The following HIF1AN variants were observed in gnomAD, a reference collection of about 807,000 sequenced individuals.
HIF1AN encodes hypoxia-inducible factor 1-alpha inhibitor.
A neutral mutation model predicts 47.7 loss-of-function variants in HIF1AN; 21 were observed. That is an observed-to-expected ratio of 0.44 (90% confidence interval 0.31 to 0.63). The LOEUF (loss-of-function observed/expected upper bound fraction) is 0.63. Ranked by LOEUF, HIF1AN falls within the 30% of genes least tolerant of loss-of-function variation. The pLI is 0.07. For missense variants in HIF1AN, 320 were observed against 432.7 expected, an observed-to-expected ratio of 0.74 and a Z score of 2.31; for synonymous variants, 152 against 155.9, an observed-to-expected ratio of 0.98 and a Z score of 0.18.
intron 1 of HIF1AN, 84 bp from the exon 2 acceptor site, chr10:100,536,327 G>T: frequency 6.7e-7 from 1 of 1,497,738 alleles, no homozygotes; most frequent in Non-Finnish European, 9.1e-7. Flanking sequence ...CTGAAGTTGA[G>T]AAGTAGTTGG....
Position 100,535,957 on chromosome 10 carries a change from A to AGATGGCGGC in HIF1AN, c.2_10dup, listed in dbSNP as rs1397634353. The stretch of plus-strand genomic sequence containing the variant: ...CGGTGGGGGCCGTCCCTGGCGGCGG[A>AGATGGCGGC]GATGGCGGCGACAGCGGCGGAGGCT... On this transcript the variant is annotated 5_prime_UTR_variant, in exon 1 of 8. It adds an upstream start codon to the 5' untranslated region. Transcript: ENST00000299163. 18 of 1,542,960 alleles carry AGATGGCGGC rather than the reference A, an allele frequency of 1.2e-5. No homozygotes were observed. Among genetic ancestry groups the AGATGGCGGC allele is most frequent in the Non-Finnish European group, 1.5e-5 (17 of 1,146,128 alleles).
In HIF1AN at chr10:100,559,911, C is replaced by A. The variant is rs1252936880; in HGVS notation, c.*11774C>A. On this transcript the variant is annotated 3_prime_UTR_variant, in exon 8 of 8. Coordinates refer to ENST00000299163, the MANE Select transcript of HIF1AN (RefSeq NM_017902.3). Reference sequence around the variant, plus strand: ...AGATGGCCACCGCTAGTCCAGTCGGCCACAGACATGGTTTTGTTTGGCCAA... The same window carrying A: ...AGATGGCCACCGCTAGTCCAGTCGGACACAGACATGGTTTTGTTTGGCCAA... 1 of 152,192 alleles carries A rather than the reference C, an allele frequency of 6.6e-6. No homozygotes were observed. The highest frequency in any genetic ancestry group is 1.5e-5 in the Non-Finnish European group (1 of 68,042). 9.4% of individuals were successfully genotyped at this position (152,192 alleles called of 1,614,324 possible).
chr10:100,536,812 CT>C, intron 2 of HIF1AN, 151 bp downstream of exon 2: 1 of 848,360 alleles, frequency 1.2e-6, no homozygotes, highest in African/African-American at 1.7e-5. Flanking sequence ...GTCTTCCAGC[CT>C]TTAAGGGGTT....
chr10:100,547,280 G>A, intron 7 of HIF1AN, 30 bp downstream of exon 7: 2 of 1,449,952 alleles, frequency 1.4e-6, no homozygotes, highest in Non-Finnish European at 1.9e-6. Context: ...TGGCTCAGTG[G>A]GTGGGTTGAC....
At chr10:100,541,730 A>G (rs936356433) in intron 3 of HIF1AN, among the ~76,000 whole-genome samples, 1 of 152,132 alleles carries the variant, frequency 6.6e-6, no homozygotes, top group Non-Finnish European at 1.5e-5. Flanking sequence ...CTCAGCTGTT[A>G]TGTGAGTGTG....
chr10:100,542,345 A>G (rs1421358031), intron 3 of HIF1AN, among the ~76,000 whole-genome samples: 3 of 151,668 alleles, frequency 2.0e-5, no homozygotes, highest in African/African-American at 4.9e-5. Context: ...ATTCAACTTT[A>G]TTGTTTTTAT....
At chr10:100,537,514 T>C (rs1308536963) in intron 2 of HIF1AN, among the ~76,000 whole-genome samples, 1 of 152,202 alleles carries the variant, frequency 6.6e-6, no homozygotes, top group Admixed American at 6.5e-5. Flanking sequence ...TTCTCTAGCT[T>C]AGGGAAGATC....
Position 100,546,063 on chromosome 10 carries a change from T to C in HIF1AN, c.830+14T>C. ...CCCAATGTACTGGTGAGAAGGGGGC[T>C]AGGGCTGGGGGCTTTTTGGGAGCTT... On this transcript the variant is annotated intron_variant, in intron 5 of 7. Transcript: ENST00000299163. 18 of 1,376,296 alleles carry C rather than the reference T, an allele frequency of 1.3e-5. No homozygotes were observed. The highest frequency in any genetic ancestry group is 1.9e-5 in the Non-Finnish European group (18 of 971,138). The allele number at this position is 1,376,296 out of a possible 1,614,324, so 85.3% of individuals were successfully genotyped here.
chr10:100,555,072 A>G lies in HIF1AN; in HGVS notation c.*6935A>G, dbSNP rs1052619672. 1 of 152,306 alleles carries G rather than the reference A, an allele frequency of 6.6e-6. No individual in the cohort carries two copies. Among genetic ancestry groups the G allele is most frequent in the East Asian group, 1.9e-4 (1 of 5,180 alleles). 9.4% of individuals were successfully genotyped at this position (152,306 alleles called of 1,614,324 possible). On this transcript the variant is annotated 3_prime_UTR_variant, in exon 8 of 8. Coordinates refer to ENST00000299163, the MANE Select transcript of HIF1AN (RefSeq NM_017902.3). ...GCTTCCTGCAGAAAGTGATAAGTCC[A>G]AGCTGATATGTGGAAGATGAATAAT...
intron 3 of HIF1AN, among the ~76,000 whole-genome samples, chr10:100,542,591 A>C (rs750982452): frequency 7.9e-5 from 12 of 152,034 alleles, no homozygotes; most frequent in Non-Finnish European, 1.6e-4. Context: ...TCCTGACCTC[A>C]TGATCCACCT....
Position 100,536,512 on chromosome 10 carries a change from C to CAGTG in HIF1AN, c.280_283dup (p.Ala95GlufsTer11). 1 of 1,614,144 alleles carries CAGTG rather than the reference C, an allele frequency of 6.2e-7. No individual in the cohort carries two copies. The highest frequency in any genetic ancestry group is 8.5e-7 in the Non-Finnish European group (1 of 1,180,030). On this transcript the variant is annotated frameshift_variant, in exon 2 of 8. Coordinates refer to ENST00000299163, the MANE Select transcript of HIF1AN (RefSeq NM_017902.3). LOFTEE classifies it high-confidence loss of function. ...TTGGCAATGGAGACTTCTCTGTGTA[C>CAGTG]AGTGCCAGCACCCACAAGTTCTTGT...
At position 100,556,415 on chromosome 10, in the gene HIF1AN, A is replaced by T. The variant is rs1843215199; in HGVS notation, c.*8278A>T. ...TTGTATGAGCCAGCAGCACAGTCAGAAGGCAAGAAGGAGACCCTGGGATGT... is the reference window on the plus strand; with the variant it reads ...TTGTATGAGCCAGCAGCACAGTCAGTAGGCAAGAAGGAGACCCTGGGATGT... On this transcript the variant is annotated 3_prime_UTR_variant, in exon 8 of 8. Coordinates refer to ENST00000299163, the MANE Select transcript of HIF1AN (RefSeq NM_017902.3). 1 of 152,274 alleles carries T rather than the reference A, an allele frequency of 6.6e-6. No individual in the cohort carries two copies. The highest frequency in any genetic ancestry group is 2.1e-4 in the South Asian group (1 of 4,838). 9.4% of individuals were successfully genotyped at this position (152,274 alleles called of 1,614,324 possible). A position where few individuals can be genotyped will look rare whatever the true frequency, so the allele number is the denominator to read the frequency against.
At position 100,540,952 on chromosome 10, in the gene HIF1AN, C is replaced by T. The variant is rs117088354; in HGVS notation, c.577+170C>T. ...AATAGGGGCTGGATGCCGTGGCTCA[C>T]GCCTGTAATCCCAGCAGTTTGGGAG... On this transcript the variant is annotated intron_variant, in intron 3 of 7. Coordinates refer to ENST00000299163, the MANE Select transcript of HIF1AN (RefSeq NM_017902.3). Among the ~76,000 whole-genome samples, 667 of 152,304 alleles carry T rather than the reference C, an allele frequency of 4.4e-3. 8 individuals are homozygous for T. Among genetic ancestry groups the T allele is most frequent in the East Asian group, 0.036 (185 of 5,176 alleles).
chr10:100,554,040 T>C lies in HIF1AN; in HGVS notation c.*5903T>C, dbSNP rs1298273726. The C allele has an allele frequency of 6.6e-6, 1 of 151,858 alleles. No individual in the cohort carries two copies. Among genetic ancestry groups the C allele is most frequent in the Admixed American group, 6.6e-5 (1 of 15,182 alleles). The allele number at this position is 151,858 out of a possible 1,614,324, so 9.4% of individuals were successfully genotyped here. A position where few individuals can be genotyped will look rare whatever the true frequency, so the allele number is the denominator to read the frequency against. On this transcript the variant is annotated 3_prime_UTR_variant, in exon 8 of 8. Coordinates refer to ENST00000299163, the MANE Select transcript of HIF1AN (RefSeq NM_017902.3). ...GAGAAACACCTTAGATAAACCATAT[T>C]GAGTTGAGGGTAGACAGAAGAGTCT...
intron 3 of HIF1AN, among the ~76,000 whole-genome samples, chr10:100,542,227 A>G (rs1352069829): frequency 6.6e-6 from 1 of 152,146 alleles, no homozygotes; most frequent in African/African-American, 2.4e-5. Context: ...TGTCGACTAA[A>G]ATGTCATCAT....
chr10:100,541,485 C>G (rs1843028721), intron 3 of HIF1AN, among the ~76,000 whole-genome samples: 1 of 152,036 alleles, frequency 6.6e-6, no homozygotes, highest in Non-Finnish European at 1.5e-5. Flanking sequence ...TATGTCGAGT[C>G]TGTTTTTTTT....
rs1843186941 is a variant in HIF1AN at position 100,553,613 on chromosome 10, G to A, written c.*5476G>A. The A allele has an allele frequency of 6.6e-6, 1 of 152,164 alleles. No individual in the cohort carries two copies. Among genetic ancestry groups the A allele is most frequent in the Admixed American group, 6.5e-5 (1 of 15,274 alleles). 9.4% of individuals were successfully genotyped at this position (152,164 alleles called of 1,614,324 possible). On this transcript the variant is annotated 3_prime_UTR_variant, in exon 8 of 8. Transcript: ENST00000299163. Reference sequence around the variant, plus strand: ...ACTGAAAATCTATTCTCATATTTTGGGAAGGAGCATATGTCCTTTAACTTT... The same window carrying A: ...ACTGAAAATCTATTCTCATATTTTGAGAAGGAGCATATGTCCTTTAACTTT...
In HIF1AN at chr10:100,556,319, T is replaced by G. The variant is rs548896825; in HGVS notation, c.*8182T>G. 1 of 152,096 alleles carries G rather than the reference T, an allele frequency of 6.6e-6. No individual in the cohort carries two copies. The highest frequency in any genetic ancestry group is 1.9e-4 in the East Asian group (1 of 5,172). The allele number at this position is 152,096 out of a possible 1,614,324, so 9.4% of individuals were successfully genotyped here. On this transcript the variant is annotated 3_prime_UTR_variant, in exon 8 of 8. Transcript: ENST00000299163. ...CTAAAAATACCTGAAACATACTGGGTGAAAATAAGACATTGGAGCTGCTGC... is the reference window on the plus strand; with the variant it reads ...CTAAAAATACCTGAAACATACTGGGGGAAAATAAGACATTGGAGCTGCTGC...
Position 100,544,972 on chromosome 10 carries a change from A to G in HIF1AN, c.599A>G (p.Tyr200Cys). The change falls in exon 4 of 8, where the codon TAT (tyrosine) becomes TGT (cysteine). Residue 200 changes from tyrosine (Y) to cysteine (C), a missense_variant. By Grantham distance (194) the Tyr-to-Cys change is radical. This residue lies in a region of HIF1AN where 161 missense variants were observed against 272.8 expected (regional missense o/e 0.59). Transcript: ENST00000299163. ...GMEGNVTPAH[Y>C]DEQQNFFAQI... is the part of the protein sequence containing the mutation. The stretch of plus-strand genomic sequence containing the variant: ...ACAGGAAATGTGACACCTGCTCACT[A>G]TGATGAGCAGCAGAACTTTTTTGCT... The G allele has an allele frequency of 1.2e-6, 2 of 1,614,246 alleles. No individual in the cohort carries two copies. Among genetic ancestry groups the G allele is most frequent in the Non-Finnish European group, 1.7e-6 (2 of 1,180,036 alleles).
Sources: allele counts gnomAD v4.1 joint callset (sites outside exome capture counted in the v4.1 genomes callset), GRCh38; gene constraint gnomAD v4.1.1; regional missense constraint gnomAD v4.1.1; transcripts MANE v1.5; gene names NCBI Gene and HGNC (gene_info 2026-07-23, HGNC 2026-07-21).